The following KIT variants were observed in gnomAD, a reference collection of about 807,000 sequenced individuals.
KIT encodes mast/stem cell growth factor receptor Kit.
KIT carries 16 observed loss-of-function variants against 105.7 expected under a neutral mutation model. That is an observed-to-expected ratio of 0.15 (90% CI 0.10 to 0.23). KIT has a LOEUF of 0.23. Ranked by LOEUF, KIT falls within the 10% of genes least tolerant of loss-of-function variation. KIT has a pLI of 1.00. For synonymous variants in KIT, 438 were observed against 441.1 expected (o/e 0.99, Z 0.09); for missense variants, 858 against 1,213.8 (o/e 0.71, Z 4.36).
intron 1 of KIT, among the ~76,000 whole-genome samples, chr4:54,674,691 C>G (rs1718341490): frequency 6.6e-6 from 1 of 152,196 alleles, no homozygotes; most frequent in Admixed American, 6.5e-5. Context: ...AAATTTGTAA[C>G]TATCTGAAAA....
At chr4:54,694,067 G>T (rs1560392077) in intron 1 of KIT, among the ~76,000 whole-genome samples, 1 of 152,132 alleles carries the variant, frequency 6.6e-6, no homozygotes, top group Non-Finnish European at 1.5e-5. Flanking sequence ...GGGTCCCTGA[G>T]GTACGTTCCC....
At chr4:54,662,218 CT>C (rs937771579) in intron 1 of KIT, among the ~76,000 whole-genome samples, 3 of 152,152 alleles carry the variant, frequency 2.0e-5, no homozygotes, top group African/African-American at 7.2e-5. Context: ...AAATATGCCC[CT>C]GGGACCAGGC....
rs1722181620 is a variant in KIT at position 54,725,841 on chromosome 4, GT to G, written c.1347-12del. On this transcript the variant is annotated splice_polypyrimidine_tract_variant and intron_variant, in intron 8 of 20. Coordinates refer to ENST00000288135, the MANE Select transcript of KIT (RefSeq NM_000222.3). The stretch of plus-strand genomic sequence containing the variant: ...TTTCCTAGAGTAAGCCAGGGCTTTT[GT>G]TTTCTTCCCTTTAGATGCTCTGCTT... 2 of 1,612,708 alleles carry G rather than the reference GT, an allele frequency of 1.2e-6. No homozygotes were observed. The highest frequency in any genetic ancestry group is 1.7e-6 in the Non-Finnish European group (2 of 1,178,960).
intron 8 of KIT, among the ~76,000 whole-genome samples, chr4:54,724,489 G>C (rs1476986496): frequency 6.6e-6 from 1 of 152,168 alleles, no homozygotes; most frequent in Non-Finnish European, 1.5e-5. Flanking sequence ...GGAATACTAA[G>C]TAGGGTTCAA....
At chr4:54,714,074 A>G (rs1721316705) in intron 7 of KIT, among the ~76,000 whole-genome samples, 1 of 152,210 alleles carries the variant, frequency 6.6e-6, no homozygotes, top group African/African-American at 2.4e-5. Flanking sequence ...CATTACTCTA[A>G]TTAACTTTTG....
Position 54,698,572 on chromosome 4 carries a change from GCT to G in KIT, c.619+10_619+11del, listed in dbSNP as rs2109674864. On this transcript the variant is annotated splice_region_variant and intron_variant, in intron 3 of 20. Transcript: ENST00000288135. ...ATCCTGAAAGTGAGGCCAGGTACTG[GCT>G]CTTTCTTATCTGCCTCTGGGAGTTG... 2 of 1,613,922 alleles carry G rather than the reference GCT, an allele frequency of 1.2e-6. No homozygotes were observed.
intron 11 of KIT, 120 bp downstream of exon 11, chr4:54,727,662 T>C (rs1722324536): frequency 7.1e-7 from 1 of 1,410,510 alleles, no homozygotes; most frequent in Admixed American, 1.7e-5. Flanking sequence ...TTCTGTGAAA[T>C]TGCGCCCCTT....
At chr4:54,715,168 G>A (rs1045477593) in intron 7 of KIT, among the ~76,000 whole-genome samples, 5 of 152,078 alleles carry the variant, frequency 3.3e-5, no homozygotes, top group Non-Finnish European at 7.4e-5. Context: ...AAGGCTTCTC[G>A]ATGAGAAAGA....
intron 20 of KIT, among the ~76,000 whole-genome samples, chr4:54,737,937 C>T (rs1336740001): frequency 6.6e-6 from 1 of 152,160 alleles, no homozygotes; most frequent in Non-Finnish European, 1.5e-5. Flanking sequence ...GCTATCTTTT[C>T]TTTCCTAATA....
At position 54,703,595 on chromosome 4, in the gene KIT, TAAG is replaced by T; in HGVS notation, c.757-128_757-126del. 5 of 726,638 alleles carry T rather than the reference TAAG, an allele frequency of 6.9e-6. No individual in the cohort carries two copies. The Admixed American group carries it at 1.1e-4, about 16-fold the overall frequency. 45.0% of individuals were successfully genotyped at this position (726,638 alleles called of 1,614,324 possible). A position where few individuals can be genotyped will look rare whatever the true frequency, so the allele number is the denominator to read the frequency against. ...GTCATGATGCTTTATTATTCTTACT[TAAG>T]TAGTGTATAATGAAAGTTAATATGG... is the stretch of plus-strand genomic sequence containing the variant. On this transcript the variant is annotated intron_variant, in intron 4 of 20. Coordinates refer to ENST00000288135, the MANE Select transcript of KIT (RefSeq NM_000222.3).
intron 7 of KIT, among the ~76,000 whole-genome samples, chr4:54,715,072 A>G (rs1721389078): frequency 6.6e-6 from 1 of 152,256 alleles, no homozygotes; most frequent in Non-Finnish European, 1.5e-5. Context: ...ACTGCATCAT[A>G]TAATTAACAT....
chr4:54,684,224 A>AG (rs955989298), intron 1 of KIT, among the ~76,000 whole-genome samples: 5 of 151,988 alleles, frequency 3.3e-5, no homozygotes, highest in African/African-American at 1.2e-4. Flanking sequence ...TCCGCTGCAA[A>AG]GGATGTGCCT....
At position 54,737,195 on chromosome 4, in the gene KIT, G is replaced by C. The variant is rs1429130851; in HGVS notation, c.2717G>C (p.Cys906Ser). The change falls in exon 20 of 21, where the codon TGC becomes TCC. Residue 906 changes from cysteine to serine, a missense_variant. Cys to Ser is a moderately radical substitution (Grantham distance 112, BLOSUM62 -1). Coordinates refer to ENST00000288135, the MANE Select transcript of KIT (RefSeq NM_000222.3). The stretch of plus-strand genomic sequence containing the variant: ...TGCAGGTATGACATAATGAAGACTT[G>C]CTGGGATGCAGATCCCCTAAAAAGA... Reference protein sequence around the residue: ...PAEMYDIMKTCWDADPLKRPT... With the variant: ...PAEMYDIMKTSWDADPLKRPT... 3 of 1,613,178 alleles carry C rather than the reference G, an allele frequency of 1.9e-6. No homozygotes were observed. The Admixed American group carries it at 5.0e-5, about 27-fold the overall frequency.
chr4:54,708,388 G>A lies in KIT; in HGVS notation c.1116-1036G>A, dbSNP rs1235662919. Among the ~76,000 whole-genome samples the A allele has an allele frequency of 7.2e-5, 11 of 152,058 alleles. 1 individual carries two copies. In the South Asian group the frequency reaches 1.5e-3, roughly 20 times the overall value. On this transcript the variant is annotated intron_variant, in intron 6 of 20. Transcript: ENST00000288135. ...CCAGGGAGTAGGGGAAGAGGCATGG[G>A]AGGGAAAGGAGGCAAGTAAGGATGT... is the stretch of plus-strand genomic sequence containing the variant.
chr4:54,710,260 C>T (rs936531121), intron 7 of KIT, among the ~76,000 whole-genome samples: 7 of 152,284 alleles, frequency 4.6e-5, no homozygotes, highest in Admixed American at 2.6e-4. Context: ...CTCTGGGCCC[C>T]GTGTGCATTT....
intron 1 of KIT, among the ~76,000 whole-genome samples, chr4:54,682,798 C>G (rs1560384610): frequency 1.3e-5 from 2 of 149,626 alleles, no homozygotes; most frequent in East Asian, 3.9e-4. Flanking sequence ...GTCACCCGAG[C>G]TGGAGTGCAG....
intron 7 of KIT, among the ~76,000 whole-genome samples, chr4:54,716,665 T>G (rs1287777869): frequency 1.3e-5 from 2 of 152,244 alleles, no homozygotes; most frequent in Non-Finnish European, 2.9e-5. Context: ...CCATGCCTGA[T>G]GCAATTTTGA....
intron 7 of KIT, among the ~76,000 whole-genome samples, chr4:54,720,364 C>T (rs879825925): frequency 6.6e-6 from 1 of 152,156 alleles, no homozygotes; most frequent in Non-Finnish European, 1.5e-5. Context: ...AATTAACCGG[C>T]ACATGGGAAC....
rs1011900047 is a variant in KIT at position 54,699,537 on chromosome 4, A to G, written c.620-93A>G. 39 of 1,400,822 alleles carry G rather than the reference A, an allele frequency of 2.8e-5. No homozygotes were observed. In the African/African-American group the frequency reaches 5.4e-4, roughly 19 times the overall value. The allele number at this position is 1,400,822 out of a possible 1,614,324, so 86.8% of individuals were successfully genotyped here. On this transcript the variant is annotated intron_variant, in intron 3 of 20. Coordinates refer to ENST00000288135, the MANE Select transcript of KIT (RefSeq NM_000222.3). Reference sequence around the variant, plus strand: ...TTTGTATTTTATTTAAAAGATGACAAAGTAAGCTGTACACATTTGAGGAGA... The same window carrying G: ...TTTGTATTTTATTTAAAAGATGACAGAGTAAGCTGTACACATTTGAGGAGA...
Sources: gnomAD v4.1 joint callset for allele counts (sites outside exome capture counted in the v4.1 genomes callset) on GRCh38, gnomAD v4.1.1 for gene constraint, MANE v1.5 for transcripts, NCBI Gene and HGNC (gene_info 2026-07-23, HGNC 2026-07-21) for gene names.